Variants in ATF7IP observed in about 807,000 individuals in gnomAD.
ATF7IP encodes the protein activating transcription factor 7-interacting protein 1.
In ATF7IP, 23 loss-of-function variants were observed where a neutral mutation model predicts 106.4. That is an observed-to-expected ratio of 0.22 (90% CI 0.16 to 0.31). The LOEUF (loss-of-function observed/expected upper bound fraction) is 0.31. Ranked by LOEUF, ATF7IP falls within the 10% of genes least tolerant of loss-of-function variation. The pLI is 1.00. For missense variants in ATF7IP, 1,334 were observed against 1,524.3 expected (o/e 0.88, Z 2.08); for synonymous variants, 542 against 539.0 (o/e 1.01, Z -0.08).
intron 1 of ATF7IP, 88 bp from the exon 2 acceptor site, chr12:14,423,821 C>T (rs1941674498): frequency 2.9e-6 from 4 of 1,380,814 alleles, no homozygotes. Context: ...GTGCTGCTTG[C>T]ATCTCTTCTA....
At chr12:14,443,917 G>A (rs796604801) in intron 5 of ATF7IP, among the ~76,000 whole-genome samples, 6 of 152,216 alleles carry the variant, frequency 3.9e-5, no homozygotes, top group African/African-American at 9.6e-5. Flanking sequence ...ACATATGGTA[G>A]TTATTTAAAA....
chr12:14,467,301 AT>A (rs1344675092), intron 10 of ATF7IP, among the ~76,000 whole-genome samples: 5 of 152,182 alleles, frequency 3.3e-5, no homozygotes, highest in African/African-American at 9.6e-5. Context: ...GCATGAAAAA[AT>A]GACAAGAATT....
chr12:14,398,965 G>A (rs576248360), intron 1 of ATF7IP, among the ~76,000 whole-genome samples: 89 of 151,958 alleles, frequency 5.9e-4, no homozygotes, highest in African/African-American at 1.9e-3. Flanking sequence ...AACCCATCAG[G>A]TTTTTCCCTG....
rs1941748553 is a variant in ATF7IP, at chr12:14,424,792, T to G, written c.877T>G (p.Ser293Ala). ...CTTTGATCGTACCTTTGAACCAAAG[T>G]CTGTACCAGTTTGTGAACCAGTTCC... ...STFDRTFEPKSVPVCEPVPEI... is the reference protein window; with the variant it reads ...STFDRTFEPKAVPVCEPVPEI... The change falls in exon 2 of 15, where the codon TCT (serine) becomes GCT (alanine). Residue 293 changes from serine to alanine, a missense_variant. Physicochemically the swap from Ser to Ala is moderately conservative, Grantham distance 99. Transcript: ENST00000261168. 6.2e-7 allele frequency: 1 copy of G among 1,613,978 alleles called. No homozygotes were observed. Among genetic ancestry groups the G allele is most frequent in the African/African-American group, 1.3e-5 (1 of 74,888 alleles).
At chr12:14,409,951 T>C (rs1940815102) in intron 1 of ATF7IP, among the ~76,000 whole-genome samples, 1 of 152,122 alleles carries the variant, frequency 6.6e-6, no homozygotes. Flanking sequence ...TGTCATACAA[T>C]TCATCTGTTT....
At chr12:14,449,812 CT>C (rs1431056767) in intron 6 of ATF7IP, among the ~76,000 whole-genome samples, 1 of 151,740 alleles carries the variant, frequency 6.6e-6, no homozygotes, top group Admixed American at 6.6e-5. Context: ...AATAATAAGA[CT>C]TCCCAATCCA....
intron 3 of ATF7IP, among the ~76,000 whole-genome samples, chr12:14,435,371 C>T (rs1233540687): frequency 2.6e-5 from 4 of 152,082 alleles, no homozygotes; most frequent in East Asian, 1.9e-4. Flanking sequence ...CATATAGATA[C>T]AGACACATAC....
At chr12:14,481,552 A>C (rs1376298458) in intron 13 of ATF7IP, 1 of 405,654 alleles carries the variant, frequency 2.5e-6, no homozygotes, top group East Asian at 7.2e-5. Flanking sequence ...AATAGTTTTC[A>C]AAAAAGAAAT....
In ATF7IP at chr12:14,491,044, G is replaced by A. The variant is rs575973714; in HGVS notation, c.3281-5187G>A. On this transcript the variant is annotated intron_variant, in intron 13 of 14. Transcript: ENST00000261168. ...CTCCAAAGTCCTGGAGGCCTCCACC[G>A]TGATTCACCTATGGGGTCCTGCCAA... is the stretch of plus-strand genomic sequence containing the variant. Among the ~76,000 whole-genome samples, 10 of 152,236 alleles carry A rather than the reference G, an allele frequency of 6.6e-5. No homozygotes were observed. The East Asian group carries it at 1.7e-3, about 26-fold the overall frequency.
intron 13 of ATF7IP, chr12:14,481,795 T>G (rs1944439160): frequency 5.5e-6 from 1 of 180,592 alleles, no homozygotes; most frequent in African/African-American, 2.4e-5. Context: ...TTACCCCAGA[T>G]GATGGAAATC....
chr12:14,431,425 C>T (rs1181991043), intron 2 of ATF7IP, among the ~76,000 whole-genome samples: 10 of 149,212 alleles, frequency 6.7e-5, no homozygotes, highest in East Asian at 2.0e-4. Flanking sequence ...GATGGCGTCT[C>T]GCTCTGTCAC....
At chr12:14,444,311 G>A (rs767989668) in intron 5 of ATF7IP, among the ~76,000 whole-genome samples, 1 of 152,092 alleles carries the variant, frequency 6.6e-6, no homozygotes, top group Non-Finnish European at 1.5e-5. Flanking sequence ...GAAACTGTGG[G>A]TCTGTTTATT....
chr12:14,448,946 C>A (rs184998529), intron 6 of ATF7IP, among the ~76,000 whole-genome samples: 144 of 152,224 alleles, frequency 9.5e-4, no homozygotes, highest in African/African-American at 3.4e-3. Context: ...ATTTATGTAT[C>A]TCCTTTGGAG....
rs897965600 is a variant in ATF7IP at position 14,425,220 on chromosome 12, C to A, written c.1305C>A (p.Ile435=). ...ENTDSMETDE[I]IPILEKLAPS... ...CAGACTCTATGGAGACAGATGAAATCATTCCTATTTTGGAAAAGCTTGCAC... is the reference window on the plus strand; with the variant it reads ...CAGACTCTATGGAGACAGATGAAATAATTCCTATTTTGGAAAAGCTTGCAC... The change falls in exon 2 of 15, where the codon ATC becomes ATA. Residue 435 remains isoleucine (I), a synonymous_variant. Transcript: ENST00000261168. 4 of 1,592,514 alleles carry A rather than the reference C, an allele frequency of 2.5e-6. No homozygotes were observed. Among genetic ancestry groups the A allele is most frequent in the Non-Finnish European group, 3.4e-6 (4 of 1,173,836 alleles).
intron 6 of ATF7IP, among the ~76,000 whole-genome samples, chr12:14,449,874 A>G (rs1319123721): frequency 6.6e-6 from 1 of 151,952 alleles, no homozygotes; most frequent in East Asian, 1.9e-4. Flanking sequence ...TTTTTCCAAC[A>G]TTGTTTTGTA....
Position 14,498,184 on chromosome 12 carries a change from C to CA in ATF7IP, c.*112dup. 2.9e-6 allele frequency: 3 copies of CA among 1,050,630 alleles called. No homozygotes were observed. The highest frequency in any genetic ancestry group is 4.1e-6 in the Non-Finnish European group (3 of 723,456). 65.1% of individuals were successfully genotyped at this position (1,050,630 alleles called of 1,614,324 possible). ...TCCACCTTGTGCAAGATTTCTTGGA[C>CA]AGATGTGTGTATACACTACATTTGT... On this transcript the variant is annotated 3_prime_UTR_variant, in exon 15 of 15. Transcript: ENST00000261168.
chr12:14,417,477 G>A (rs1198490568), intron 1 of ATF7IP, among the ~76,000 whole-genome samples: 1 of 151,610 alleles, frequency 6.6e-6, no homozygotes, highest in African/African-American at 2.4e-5. Context: ...TTTTTTACTT[G>A]TCTGGATTTA....
chr12:14,371,896 G>A (rs1938545853), intron 1 of ATF7IP, among the ~76,000 whole-genome samples: 1 of 152,066 alleles, frequency 6.6e-6, no homozygotes, highest in African/African-American at 2.4e-5. Context: ...GGAGTCACAT[G>A]TATAAAGAAG....
chr12:14,445,223 T>C (rs1048454374), intron 5 of ATF7IP, among the ~76,000 whole-genome samples: 1 of 150,210 alleles, frequency 6.7e-6, no homozygotes, highest in African/African-American at 2.5e-5. Flanking sequence ...ACTCCAGACC[T>C]TGTGATCCAC....
Sources: gnomAD v4.1 joint callset for allele counts (sites outside exome capture counted in the v4.1 genomes callset) on GRCh38, gnomAD v4.1.1 for gene constraint, MANE v1.5 for transcripts, NCBI Gene and HGNC (gene_info 2026-07-23, HGNC 2026-07-21) for gene names.